Variants in NAALADL2 observed in about 807,000 individuals in gnomAD.
NAALADL2 encodes N-acetylated alpha-linked acidic dipeptidase like 2, also known as inactive N-acetylated-alpha-linked acidic dipeptidase-like protein 2.
Under a neutral mutation model 87.2 loss-of-function variants are expected in NAALADL2, and 76 were observed. The observed-to-expected ratio is 0.87, with a 90% CI of 0.72 to 1.05. The LOEUF is 1.05. NAALADL2 is among the 50% of genes least tolerant of loss of function. The pLI is 0.00. For synonymous variants in NAALADL2, 354 were observed against 331.0 expected, an observed-to-expected ratio of 1.07 and a Z score of -0.75; for missense variants, 1,089 against 945.8, an observed-to-expected ratio of 1.15 and a Z score of -1.99.
chr3:175,761,810 A>G (rs1748051477), intron 13 of NAALADL2, among the ~76,000 whole-genome samples: 1 of 152,052 alleles, frequency 6.6e-6, no homozygotes, highest in Non-Finnish European at 1.5e-5. Flanking sequence ...TTGATGTGAT[A>G]TCTGTTCAGC....
At chr3:174,867,383 C>A (rs1727290023) in intron 1 of NAALADL2, among the ~76,000 whole-genome samples, 1 of 151,960 alleles carries the variant, frequency 6.6e-6, no homozygotes, top group Non-Finnish European at 1.5e-5. Flanking sequence ...GCCTCACAAA[C>A]TAAACTAGCC....
chr3:175,206,184 G>A (rs949171619), intron 2 of NAALADL2, among the ~76,000 whole-genome samples: 1 of 149,372 alleles, frequency 6.7e-6, no homozygotes, highest in Admixed American at 6.7e-5. Flanking sequence ...TTGAAAAATC[G>A]TGGAAACAAC....
chr3:175,457,401 A>T (rs186816218), intron 6 of NAALADL2, among the ~76,000 whole-genome samples: 1 of 152,198 alleles, frequency 6.6e-6, no homozygotes, highest in African/African-American at 2.4e-5. Flanking sequence ...TATACTCAGT[A>T]AGCATTTGAA....
In NAALADL2 at chr3:175,431,707, G is replaced by T. The variant is rs149510285; in HGVS notation, c.1091-15522G>T. Among the ~76,000 whole-genome samples, 553 of 152,066 alleles carry T rather than the reference G, an allele frequency of 3.6e-3. 4 individuals carry two copies. Among genetic ancestry groups the T allele is most frequent in the African/African-American group, 0.013 (530 of 41,518 alleles). ...GAAGTGTTCTGTGTGAACAGGTCAGGATATTTTACTTTATTTATAGGCTTT... is the reference window on the plus strand; with the variant it reads ...GAAGTGTTCTGTGTGAACAGGTCAGTATATTTTACTTTATTTATAGGCTTT... On this transcript the variant is annotated intron_variant, in intron 5 of 13. Coordinates refer to ENST00000454872, the MANE Select transcript of NAALADL2 (RefSeq NM_207015.3).
chr3:174,944,469 G>C (rs1406249030), intron 1 of NAALADL2, among the ~76,000 whole-genome samples: 1 of 152,132 alleles, frequency 6.6e-6, no homozygotes, highest in Non-Finnish European at 1.5e-5. Flanking sequence ...GTACAATGCT[G>C]CTACCAGTGG....
At chr3:175,718,479 T>C in intron 11 of NAALADL2, 11 of 1,585,046 alleles carry the variant, frequency 6.9e-6, no homozygotes, top group Non-Finnish European at 9.5e-6. Flanking sequence ...AGGCTGTATA[T>C]TCGGTTTTCA....
At chr3:174,974,948 CTA>C (rs567407277) in intron 1 of NAALADL2, among the ~76,000 whole-genome samples, 13 of 152,020 alleles carry the variant, frequency 8.6e-5, no homozygotes, top group African/African-American at 1.9e-4. Context: ...TCAAAAAAGA[CTA>C]TTTTTGAAAT....
chr3:175,519,656 A>G (rs1268395445), intron 9 of NAALADL2, among the ~76,000 whole-genome samples: 10 of 152,216 alleles, frequency 6.6e-5, no homozygotes, highest in African/African-American at 2.2e-4. Flanking sequence ...TGAAATCCAA[A>G]TGGTTAGAAT....
At position 175,494,349 on chromosome 3, in the gene NAALADL2, T is replaced by C. The variant is rs138427693; in HGVS notation, c.1653+22591T>C. ...TGCATACAGAAGCATTTCTAGCAAT[T>C]AGAATCCCAGAGTAACAATGTCTGT... On this transcript the variant is annotated intron_variant, in intron 9 of 13. Coordinates refer to ENST00000454872, the MANE Select transcript of NAALADL2 (RefSeq NM_207015.3). 2.9e-3 allele frequency among the ~76,000 whole-genome samples: 441 copies of C among 152,256 alleles called. 5 individuals carry two copies. The highest frequency in any genetic ancestry group is 9.1e-3 in the East Asian group (47 of 5,180).
chr3:175,576,180 C>T lies in NAALADL2; in HGVS notation c.1793C>T (p.Thr598Ile), dbSNP rs748802178. The T allele has an allele frequency of 6.8e-6, 11 of 1,611,688 alleles. No individual in the cohort carries two copies. Among genetic ancestry groups the T allele is most frequent in the Non-Finnish European group, 9.3e-6 (11 of 1,179,164 alleles). The stretch of plus-strand genomic sequence containing the variant: ...CAGTTTGCTTACGAGGACATCAAAA[C>T]ATTAGAGGTGATTGTTCCTAAAAAA... ...IVQFAYEDIK[T>I]LEGPSFLSEA... is the part of the protein sequence containing the mutation. Residue 598 changes from threonine (T) to isoleucine (I), a missense_variant, in exon 10 of 14, where the codon ACA (threonine) becomes ATA (isoleucine). Physicochemically the swap from Thr to Ile is moderately conservative, Grantham distance 89. Coordinates refer to ENST00000454872, the MANE Select transcript of NAALADL2 (RefSeq NM_207015.3).
intron 2 of NAALADL2, among the ~76,000 whole-genome samples, chr3:174,667,455 C>T (rs1400901167): frequency 6.6e-6 from 1 of 151,258 alleles, no homozygotes; most frequent in Non-Finnish European, 1.5e-5. Flanking sequence ...CACATTCTAG[C>T]TTTTTGCCTT....
At chr3:175,591,230 C>A (rs931476032) in intron 10 of NAALADL2, among the ~76,000 whole-genome samples, 5 of 151,896 alleles carry the variant, frequency 3.3e-5, no homozygotes, top group African/African-American at 1.2e-4. Context: ...ATTGATTTTC[C>A]TGTGTTTTCA....
chr3:175,321,888 A>G (rs1342743510), intron 4 of NAALADL2, among the ~76,000 whole-genome samples: 1 of 140,778 alleles, frequency 7.1e-6, no homozygotes, highest in Non-Finnish European at 1.5e-5. Context: ...GGAAGAATCA[A>G]TATCGTGAAA....
chr3:174,525,360 T>C (rs1720645319), intron 1 of NAALADL2, among the ~76,000 whole-genome samples: 1 of 152,220 alleles, frequency 6.6e-6, no homozygotes, highest in African/African-American at 2.4e-5. Context: ...CTGAATCTAC[T>C]TCTGGCGAGG....
At chr3:174,498,536 T>C (rs1162079402) in intron 1 of NAALADL2, among the ~76,000 whole-genome samples, 1 of 151,456 alleles carries the variant, frequency 6.6e-6, no homozygotes, top group Non-Finnish European at 1.5e-5. Flanking sequence ...AGACCTGTGC[T>C]TTTATTTCTC....
chr3:175,375,755 C>A (rs1767052829), intron 5 of NAALADL2, among the ~76,000 whole-genome samples: 1 of 152,018 alleles, frequency 6.6e-6, no homozygotes, highest in Non-Finnish European at 1.5e-5. Flanking sequence ...GACATTTAAC[C>A]TAAATATTAA....
intron 3 of NAALADL2, among the ~76,000 whole-genome samples, chr3:174,785,014 A>G (rs190396063): frequency 2.6e-5 from 4 of 152,248 alleles, no homozygotes; most frequent in Admixed American, 2.6e-4. Flanking sequence ...TTTAATTTTT[A>G]ATTTTGTTAT....
At chr3:175,426,690 T>C (rs1716840093) in intron 5 of NAALADL2, among the ~76,000 whole-genome samples, 1 of 144,438 alleles carries the variant, frequency 6.9e-6, no homozygotes, top group South Asian at 2.4e-4. Context: ...CAAAGTTCAG[T>C]ATCCAAAAAT....
chr3:174,646,485 T>C (rs1001725647), intron 2 of NAALADL2, among the ~76,000 whole-genome samples: 2 of 152,156 alleles, frequency 1.3e-5, no homozygotes, highest in African/African-American at 4.8e-5. Context: ...ATATTTTATA[T>C]GTGAACATAT....
Sources: allele counts gnomAD v4.1 joint callset (sites outside exome capture counted in the v4.1 genomes callset), GRCh38; gene constraint gnomAD v4.1.1; transcripts MANE v1.5; gene names NCBI Gene and HGNC (gene_info 2026-07-23, HGNC 2026-07-21).